The following TAMM41 variants were observed in gnomAD, a reference collection of about 807,000 sequenced individuals.
TAMM41 encodes phosphatidate cytidylyltransferase, mitochondrial.
Under a neutral mutation model 44.1 loss-of-function variants are expected in TAMM41, and 36 were observed. The ratio of observed to expected loss-of-function variants is 0.82; its 90% CI spans 0.63 to 1.08. The LOEUF (loss-of-function observed/expected upper bound fraction) is 1.08, where lower values mean the gene tolerates loss of function less well. Ranked by LOEUF, TAMM41 falls within the 50% of genes least tolerant of loss-of-function variation. TAMM41 has a pLI of 0.00. For synonymous variants in TAMM41, 164 were observed against 153.1 expected, an observed-to-expected ratio of 1.07 and a Z score of -0.53; for missense variants, 417 against 404.3, an observed-to-expected ratio of 1.03 and a Z score of -0.27.
intron 5 of TAMM41, among the ~76,000 whole-genome samples, chr3:11,810,352 G>A (rs1160138715): frequency 6.6e-6 from 1 of 152,176 alleles, no homozygotes; most frequent in Non-Finnish European, 1.5e-5. Context: ...ATACTAAGGT[G>A]CTGAAGATAA....
the TAMM41 span, among the ~76,000 whole-genome samples, chr3:11,749,457 C>G: frequency 6.6e-6 from 1 of 152,188 alleles, no homozygotes; most frequent in Non-Finnish European, 1.5e-5. Flanking sequence ...CAGGAGAGCC[C>G]TCGAATTCTG....
At chr3:11,770,124 G>T in the TAMM41 span, among the ~76,000 whole-genome samples, 1 of 152,224 alleles carries the variant, frequency 6.6e-6, no homozygotes, top group Non-Finnish European at 1.5e-5. Flanking sequence ...ATGTGTGATT[G>T]GTCCCGCACT....
the TAMM41 span, among the ~76,000 whole-genome samples, chr3:11,748,270 T>TTTTA: frequency 8.8e-4 from 132 of 149,936 alleles, 2 homozygotes; most frequent in South Asian, 1.3e-3. Flanking sequence ...TTCTGTACTC[T>TTTTA]TTTATTTATT....
chr3:11,763,758 T>G, the TAMM41 span, among the ~76,000 whole-genome samples: 2 of 152,334 alleles, frequency 1.3e-5, no homozygotes, highest in South Asian at 4.1e-4. Flanking sequence ...AGAGGTTAAG[T>G]GTCCTGGCGA....
the TAMM41 span, among the ~76,000 whole-genome samples, chr3:11,778,613 C>T: frequency 6.6e-6 from 1 of 152,038 alleles, no homozygotes; most frequent in South Asian, 2.1e-4. Context: ...GTTTTTTTGT[C>T]CTTTTTTTTT....
At chr3:11,738,701 T>C in the TAMM41 span, among the ~76,000 whole-genome samples, 3 of 152,200 alleles carry the variant, frequency 2.0e-5, no homozygotes, top group African/African-American at 7.2e-5. Context: ...TTCCCCTACT[T>C]GACAACTTCT....
At chr3:11,754,286 T>C in the TAMM41 span, among the ~76,000 whole-genome samples, 27 of 152,244 alleles carry the variant, frequency 1.8e-4, no homozygotes, top group African/African-American at 6.0e-4. Flanking sequence ...TACCCAGGCA[T>C]CTAATCTAGA....
At chr3:11,773,418 G>A in the TAMM41 span, among the ~76,000 whole-genome samples, 3 of 151,476 alleles carry the variant, frequency 2.0e-5, no homozygotes, top group Non-Finnish European at 4.4e-5. Context: ...GTGGGGTCTC[G>A]CTATTTTGGC....
the TAMM41 span, among the ~76,000 whole-genome samples, chr3:11,768,889 AGGG>A: frequency 6.6e-6 from 1 of 152,234 alleles, no homozygotes; most frequent in South Asian, 2.1e-4. Context: ...GGCACCTAGA[AGGG>A]GTGCAGGAGG....
the TAMM41 span, among the ~76,000 whole-genome samples, chr3:11,772,924 C>T: frequency 2.0e-5 from 3 of 152,108 alleles, no homozygotes; most frequent in South Asian, 2.1e-4. Flanking sequence ...CCTGCTGTCA[C>T]ACGGTATACT....
the TAMM41 span, among the ~76,000 whole-genome samples, chr3:11,745,978 C>G: frequency 6.6e-6 from 1 of 152,152 alleles, no homozygotes; most frequent in Non-Finnish European, 1.5e-5. Context: ...TTGGAACTCT[C>G]ATATACCGTT....
At chr3:11,823,509 G>A (rs1218671331) in intron 4 of TAMM41, among the ~76,000 whole-genome samples, 6 of 151,868 alleles carry the variant, frequency 4.0e-5, no homozygotes, top group African/African-American at 1.5e-4. Context: ...CACCAGCCTT[G>A]GCCTCCCAAA....
At chr3:11,839,171 A>T (rs540876837) in intron 3 of TAMM41, 51 bp downstream of exon 3, 2 of 1,151,462 alleles carry the variant, frequency 1.7e-6, no homozygotes, top group South Asian at 1.4e-5. Flanking sequence ...AAGTAAGGTT[A>T]GGCTCAGAGA....
the TAMM41 span, among the ~76,000 whole-genome samples, chr3:11,748,952 A>G: frequency 7.7e-6 from 1 of 129,846 alleles, no homozygotes; most frequent in Non-Finnish European, 1.6e-5. Flanking sequence ...TCACTCTGTC[A>G]CCCAGGGTGG....
At chr3:11,774,094 A>AC in the TAMM41 span, among the ~76,000 whole-genome samples, 1 of 151,894 alleles carries the variant, frequency 6.6e-6, no homozygotes. Context: ...TCTCAAAAAA[A>AC]CCAAAACAAA....
At chr3:11,833,243 C>A in intron 3 of TAMM41, 2 of 1,020,612 alleles carry the variant, frequency 2.0e-6, no homozygotes, top group Non-Finnish European at 2.5e-6. Context: ...AACATTAGCA[C>A]GACTGCCAGG....
Position 11,839,249 on chromosome 3 carries a change from T to C in TAMM41, c.384A>G (p.Leu128=). The change falls in exon 3 of 8, where the codon TTA becomes TTG. Residue 128 remains leucine, a synonymous_variant. Coordinates refer to ENST00000455809, the MANE Select transcript of TAMM41 (RefSeq NM_001284401.2). ...LIEDLLNWNN[L]YIAGRLQKPV... ...GTTTTTGGAGTCGTCCAGCAATGTATAAGTTATTCCAGTTGAGGAGATCTT... is the reference window on the plus strand; with the variant it reads ...GTTTTTGGAGTCGTCCAGCAATGTACAAGTTATTCCAGTTGAGGAGATCTT... 6.2e-7 allele frequency: 1 copy of C among 1,613,620 alleles called. No homozygotes were observed. Among genetic ancestry groups the C allele is most frequent in the Non-Finnish European group, 8.5e-7 (1 of 1,179,670 alleles).
At chr3:11,776,505 G>A in the TAMM41 span, among the ~76,000 whole-genome samples, 3 of 152,128 alleles carry the variant, frequency 2.0e-5, no homozygotes, top group Non-Finnish European at 4.4e-5. Context: ...GCTCACCACT[G>A]TGTTAACAAC....
At chr3:11,723,509 A>C in the TAMM41 span, among the ~76,000 whole-genome samples, 1 of 151,688 alleles carries the variant, frequency 6.6e-6, no homozygotes, top group African/African-American at 2.4e-5. Context: ...TGAGTCCAGG[A>C]AGTTGAGGCT....
Sources: allele counts gnomAD v4.1 joint callset (sites outside exome capture counted in the v4.1 genomes callset), GRCh38; gene constraint gnomAD v4.1.1; transcripts MANE v1.5; gene names NCBI Gene and HGNC (gene_info 2026-07-23, HGNC 2026-07-21).